Variants in HDAC9 observed in about 807,000 individuals in gnomAD.
HDAC9 encodes histone deacetylase 9.
In HDAC9, 41 loss-of-function variants were observed where a neutral mutation model predicts 139.4. That is an observed-to-expected ratio of 0.29 (90% CI 0.23 to 0.38). HDAC9 has a LOEUF of 0.38. Among genes scored for constraint, HDAC9 ranks in the 10% least tolerant of loss-of-function variants. The pLI is 1.00. For synonymous variants in HDAC9, 517 were observed against 476.2 expected (o/e 1.09, Z -1.12); for missense variants, 1,147 against 1,297.0 (o/e 0.88, Z 1.78).
At chr7:18,562,377 T>C (rs146291496) in intron 2 of HDAC9, among the ~76,000 whole-genome samples, 60 of 152,290 alleles carry the variant, frequency 3.9e-4, no homozygotes, top group African/African-American at 1.4e-3. Context: ...TAATAAACCA[T>C]AGCTTAATCC....
At chr7:18,580,061 T>G (rs1455789155) in intron 2 of HDAC9, among the ~76,000 whole-genome samples, 1 of 152,170 alleles carries the variant, frequency 6.6e-6, no homozygotes, top group Non-Finnish European at 1.5e-5. Flanking sequence ...AGTGAAGAAG[T>G]AAGAAATACT....
intron 22 of HDAC9, among the ~76,000 whole-genome samples, chr7:18,929,481 A>G (rs1190570452): frequency 6.6e-6 from 1 of 152,066 alleles, no homozygotes; most frequent in Non-Finnish European, 1.5e-5. Context: ...ATTTGTTACA[A>G]TGTAGAATCC....
intron 12 of HDAC9, among the ~76,000 whole-genome samples, chr7:18,715,242 GT>G (rs34409566): frequency 0.069 from 9,967 of 144,722 alleles, 1,000 homozygotes; most frequent in African/African-American, 0.23. Flanking sequence ...AGGGGAAAGT[GT>G]TTTTTTTTTT....
intron 16 of HDAC9, among the ~76,000 whole-genome samples, chr7:18,792,393 C>G (rs1298086285): frequency 6.6e-6 from 1 of 151,426 alleles, no homozygotes; most frequent in Non-Finnish European, 1.5e-5. Context: ...CTTATGTGTC[C>G]TAAAATTAGA....
intron 13 of HDAC9, among the ~76,000 whole-genome samples, chr7:18,737,830 C>T (rs1336220173): frequency 6.6e-6 from 1 of 152,172 alleles, no homozygotes; most frequent in African/African-American, 2.4e-5. Context: ...CCTTCTATCT[C>T]ATTCATCTGT....
chr7:18,598,106 AT>A (rs1482801903), intron 6 of HDAC9, among the ~76,000 whole-genome samples: 4 of 152,104 alleles, frequency 2.6e-5, no homozygotes, highest in African/African-American at 9.7e-5. Context: ...CACAATAATT[AT>A]TTTTAATAGT....
chr7:18,155,975 G>C (rs1445009858), intron 1 of HDAC9, among the ~76,000 whole-genome samples: 1 of 152,134 alleles, frequency 6.6e-6, no homozygotes, highest in Non-Finnish European at 1.5e-5. Flanking sequence ...CCAGTCCCCA[G>C]AACCCCCAGA....
Position 18,197,285 on chromosome 7 carries a change from T to C in HDAC9, c.25+34936T>C, listed in dbSNP as rs531528443. ...GGAGAACCCTGACTAATACGCGTAGTATATGGAGACTGACTAGATATGGGA... is the reference window on the plus strand; with the variant it reads ...GGAGAACCCTGACTAATACGCGTAGCATATGGAGACTGACTAGATATGGGA... On this transcript the variant is annotated intron_variant, in intron 2 of 12. Transcript: ENST00000417496. Among the ~76,000 whole-genome samples the C allele has an allele frequency of 3.3e-5, 5 of 152,134 alleles. No individual in the cohort carries two copies. In the East Asian group the frequency reaches 9.6e-4, roughly 29 times the overall value.
rs938793571 is a variant in HDAC9, at chr7:18,617,528, G to T, written c.665-11822G>T. Among the ~76,000 whole-genome samples, 10 of 152,102 alleles carry T rather than the reference G, an allele frequency of 6.6e-5. No individual in the cohort carries two copies. In the East Asian group the frequency reaches 1.7e-3, roughly 26 times the overall value. On this transcript the variant is annotated intron_variant, in intron 6 of 25. Coordinates refer to ENST00000686413, the MANE Select transcript of HDAC9 (RefSeq NM_178425.4). ...CATACTCATCTTTAAATGCTCAGAT[G>T]ATATATATACTTCCTCTCTGTTAAG...
intron 17 of HDAC9, among the ~76,000 whole-genome samples, chr7:18,825,700 A>C (rs2129203181): frequency 6.7e-6 from 1 of 149,380 alleles, no homozygotes; most frequent in Admixed American, 6.7e-5. Flanking sequence ...CAAAGATTTT[A>C]TATATATATA....
At chr7:18,764,065 T>C (rs1789618506) in intron 15 of HDAC9, among the ~76,000 whole-genome samples, 1 of 152,170 alleles carries the variant, frequency 6.6e-6, no homozygotes, top group African/African-American at 2.4e-5. Flanking sequence ...TTTGACTCTT[T>C]TGAACAAACC....
chr7:18,511,615 TAAAAG>T (rs932144721), intron 2 of HDAC9, among the ~76,000 whole-genome samples: 2 of 151,944 alleles, frequency 1.3e-5, no homozygotes, highest in South Asian at 2.1e-4. Flanking sequence ...AATAAACAAA[TAAAAG>T]AAAAGACAAA....
intron 8 of HDAC9, 144 bp from the exon 9 acceptor site, chr7:18,644,527 T>A (rs1786743406): frequency 1.8e-6 from 1 of 554,636 alleles, no homozygotes; most frequent in Admixed American, 4.2e-5. Context: ...AATTTGACAT[T>A]ATAACTTTTG....
At chr7:18,176,193 C>A (rs1277891937) in intron 2 of HDAC9, among the ~76,000 whole-genome samples, 2 of 152,140 alleles carry the variant, frequency 1.3e-5, no homozygotes, top group Admixed American at 6.5e-5. Context: ...TTAATAAAAG[C>A]TGGTGACAGT....
chr7:18,142,451 A>G (rs1028007912), intron 1 of HDAC9, among the ~76,000 whole-genome samples: 1 of 152,134 alleles, frequency 6.6e-6, no homozygotes, highest in Non-Finnish European at 1.5e-5. Context: ...TGAAGATGAA[A>G]TATACTGGAT....
At chr7:18,146,268 A>G (rs917439291) in intron 1 of HDAC9, among the ~76,000 whole-genome samples, 1 of 152,190 alleles carries the variant, frequency 6.6e-6, no homozygotes, top group African/African-American at 2.4e-5. Flanking sequence ...ATTATCTAAT[A>G]GTCCATTAGT....
intron 1 of HDAC9, among the ~76,000 whole-genome samples, chr7:18,117,711 C>T (rs186688028): frequency 1.4e-4 from 21 of 152,168 alleles, no homozygotes; most frequent in Admixed American, 2.0e-4. Flanking sequence ...TGAGAGGGAG[C>T]GTGGACCTGC....
chr7:18,360,330 C>T (rs1031162994), intron 1 of HDAC9, among the ~76,000 whole-genome samples: 2 of 152,174 alleles, frequency 1.3e-5, no homozygotes, highest in Admixed American at 1.3e-4. Flanking sequence ...TACTGTCGTA[C>T]TCCTTCAGTC....
chr7:18,358,467 A>G (rs1428409946), intron 1 of HDAC9, among the ~76,000 whole-genome samples: 2 of 152,238 alleles, frequency 1.3e-5, no homozygotes, highest in Non-Finnish European at 2.9e-5. Context: ...AAACATGAAT[A>G]TCTTGTGATT....
Sources: gnomAD v4.1 joint callset for allele counts (sites outside exome capture counted in the v4.1 genomes callset) on GRCh38, gnomAD v4.1.1 for gene constraint, MANE v1.5 for transcripts, NCBI Gene and HGNC (gene_info 2026-07-23, HGNC 2026-07-21) for gene names.